Variants in LRRTM1 observed in about 807,000 individuals in gnomAD.
LRRTM1 encodes the protein leucine-rich repeat transmembrane neuronal protein 1.
Under a neutral mutation model 37.3 loss-of-function variants are expected in LRRTM1, and 8 were observed. The observed-to-expected ratio is 0.21, with a 90% CI of 0.13 to 0.39. LRRTM1 has a LOEUF of 0.39. LRRTM1 is among the 10% of genes least tolerant of loss of function. The pLI is 1.00. For missense variants in LRRTM1, 557 were observed against 691.0 expected (o/e 0.81, Z 2.17); for synonymous variants, 326 against 316.8 (o/e 1.03, Z -0.31).
chr2:80,298,375 T>C (rs1314067489), downstream of LRRTM1: 1 of 152,236 alleles, frequency 6.6e-6, no homozygotes. Context: ...AAAACAGATA[T>C]AATTTCTGGT....
downstream of LRRTM1, among the ~76,000 whole-genome samples, chr2:80,300,629 A>G (rs1190858562): frequency 5.3e-5 from 8 of 152,114 alleles, no homozygotes. Flanking sequence ...TCTCTCTCAA[A>G]AAAAAGGAAA....
chr2:80,290,112 G>A (rs567600209), intron 2 of LRRTM1, among the ~76,000 whole-genome samples: 11 of 152,246 alleles, frequency 7.2e-5, no homozygotes, highest in Middle Eastern at 3.4e-3. Context: ...TGTGAAGCAG[G>A]CTGAGCAAGG....
intron 2 of LRRTM1, among the ~76,000 whole-genome samples, chr2:80,292,645 G>T (rs955963013): frequency 2.0e-5 from 3 of 152,130 alleles, no homozygotes; most frequent in Non-Finnish European, 1.5e-5. Context: ...ATACTCTCAT[G>T]GTGAGTCTGA....
chr2:80,303,684 C>G lies in LRRTM1; in HGVS notation c.136G>C (p.Glu46Gln). Residue 46 changes from glutamate (E) to glutamine (Q), a missense_variant, in exon 2 of 2, where the codon GAG becomes CAG. Coordinates refer to ENST00000295057, the MANE Select transcript of LRRTM1 (RefSeq NM_178839.5). The surrounding 1 kb of genome is among the most constrained non-coding windows in gnomAD (Gnocchi z 7.7). ...PSGCPQLCRC[E>Q]GRLLYCEALN... ...GCCTCGCAGTACAGCAGCCGCCCCT[C>G]GCACCGGCACAGCTGCGGGCACCCG... 3 of 1,610,834 alleles carry G rather than the reference C, an allele frequency of 1.9e-6. No individual in the cohort carries two copies. Among genetic ancestry groups the G allele is most frequent in the East Asian group, 2.2e-5 (1 of 44,742 alleles).
chr2:80,296,943 G>A (rs1008316365), downstream of LRRTM1, among the ~76,000 whole-genome samples: 1 of 152,124 alleles, frequency 6.6e-6, no homozygotes, highest in African/African-American at 2.4e-5. Flanking sequence ...AATCACTAAG[G>A]AAGAAATGCA....
Position 80,302,145 on chromosome 2 carries a change from G to T in LRRTM1, c.*106C>A. ...AGATCCCCTTAAAGTTTCAGTCAAG[G>T]AGCATATCAGAGCACAGACAAGGAG... On this transcript the variant is annotated 3_prime_UTR_variant, in exon 2 of 2. Coordinates refer to ENST00000295057, the MANE Select transcript of LRRTM1 (RefSeq NM_178839.5). The surrounding 1 kb of genome is among the most constrained non-coding windows in gnomAD (Gnocchi z 6.4). The T allele has an allele frequency of 1.4e-6, 2 of 1,382,354 alleles. No individual in the cohort carries two copies. Among genetic ancestry groups the T allele is most frequent in the Non-Finnish European group, 1.9e-6 (2 of 1,028,576 alleles). The allele number at this position is 1,382,354 out of a possible 1,614,324, so 85.6% of individuals were successfully genotyped here. A position where few individuals can be genotyped will look rare whatever the true frequency, so the allele number is the denominator to read the frequency against.
rs187301448 is a variant in LRRTM1 at position 80,290,481 on chromosome 2, G to A, written c.*307-1286C>T. Among the ~76,000 whole-genome samples the A allele has an allele frequency of 7.4e-4, 113 of 152,008 alleles. 1 individual carries two copies. In the Middle Eastern group the frequency reaches 0.01, roughly 14 times the overall value. On this transcript the variant is annotated intron_variant and NMD_transcript_variant, in intron 2 of 2. Coordinates refer to the LRRTM1 transcript ENST00000417012. ...CCATGGTGAGGTTGGTGAGGCTCCCGTGATGCTTTTACTTTTTGCTGTTTT... is the reference window on the plus strand; with the variant it reads ...CCATGGTGAGGTTGGTGAGGCTCCCATGATGCTTTTACTTTTTGCTGTTTT...
At chr2:80,293,808 G>A (rs1171934356) in intron 2 of LRRTM1, among the ~76,000 whole-genome samples, 1 of 152,124 alleles carries the variant, frequency 6.6e-6, no homozygotes, top group Non-Finnish European at 1.5e-5. Context: ...GAATATTTTG[G>A]TGTTAGGGGT....
Position 80,303,448 on chromosome 2 carries a change from C to G in LRRTM1, c.372G>C (p.Gln124His), listed in dbSNP as rs1676568446. ...AGGTGGTGTTGGGCAGTTGGGTGATCTGGTTGGAACTCAGCGTGAGTTCCT... is the reference window on the plus strand; with the variant it reads ...AGGTGGTGTTGGGCAGTTGGGTGATGTGGTTGGAACTCAGCGTGAGTTCCT... ...RVKELTLSSN[Q>H]ITQLPNTTFR... Residue 124 changes from glutamine (Q) to histidine (H), a missense_variant, in exon 2 of 2, where the codon CAG becomes CAC. Gln to His is a conservative substitution (Grantham distance 24). Around this residue, in one of 5 missense-constraint regions of LRRTM1, gnomAD observed 38 missense variants for 72.9 expected, o/e 0.52. Coordinates refer to ENST00000295057, the MANE Select transcript of LRRTM1 (RefSeq NM_178839.5). The surrounding 1 kb of genome is among the most constrained non-coding windows in gnomAD (Gnocchi z 7.7). The G allele has an allele frequency of 6.2e-7, 1 of 1,614,234 alleles. No individual in the cohort carries two copies. Among genetic ancestry groups the G allele is most frequent in the Non-Finnish European group, 8.5e-7 (1 of 1,180,054 alleles).
chr2:80,299,902 C>G (rs1272825559), downstream of LRRTM1, among the ~76,000 whole-genome samples: 1 of 152,154 alleles, frequency 6.6e-6, no homozygotes, highest in African/African-American at 2.4e-5. Context: ...ATTCCTGTAG[C>G]CTTCCTATGA....
chr2:80,298,853 T>C (rs990308383), downstream of LRRTM1: 1 of 152,200 alleles, frequency 6.6e-6, no homozygotes, highest in African/African-American at 2.4e-5. Flanking sequence ...CAACTATTAA[T>C]ATCAAGGCTA....
chr2:80,304,188 C>T lies in LRRTM1; in HGVS notation c.-96G>A, dbSNP rs558556616. ...GAGTGACAACCTCCATTCAGCTGCTCCCTTTGTGTGCAGGCTAATTATATG... is the reference window on the plus strand; with the variant it reads ...GAGTGACAACCTCCATTCAGCTGCTTCCTTTGTGTGCAGGCTAATTATATG... On this transcript the variant is annotated 5_prime_UTR_variant, in exon 1 of 2. Coordinates refer to ENST00000295057, the MANE Select transcript of LRRTM1 (RefSeq NM_178839.5). The T allele has an allele frequency of 1.6e-5, 3 of 184,032 alleles. No individual in the cohort carries two copies. Among genetic ancestry groups the T allele is most frequent in the East Asian group, 1.4e-4 (1 of 7,374 alleles). The allele number at this position is 184,032 out of a possible 1,614,324, so 11.4% of individuals were successfully genotyped here.
intron 2 of LRRTM1, among the ~76,000 whole-genome samples, chr2:80,295,124 C>T (rs892331940): frequency 1.3e-5 from 2 of 151,956 alleles, no homozygotes; most frequent in African/African-American, 4.8e-5. Context: ...TCTCTCTTTC[C>T]CTCCCATCCC....
chr2:80,291,260 T>C (rs1025571906), intron 2 of LRRTM1, among the ~76,000 whole-genome samples: 1 of 152,222 alleles, frequency 6.6e-6, no homozygotes, highest in Non-Finnish European at 1.5e-5. Flanking sequence ...GCATAGAAAG[T>C]TACTCTTACT....
Position 80,302,192 on chromosome 2 carries a change from G to C in LRRTM1, c.*59C>G. On this transcript the variant is annotated 3_prime_UTR_variant, in exon 2 of 2. Transcript: ENST00000295057. This position sits in a 1 kb window ranked among gnomAD's most constrained non-coding sequence, Gnocchi z 6.4. ...GGAGACCCCAGCCTGGTGCCCGCCG[G>C]CCCGTCCCGGCTGCCCAGGCGTATT... 6.4e-7 allele frequency: 1 copy of C among 1,564,248 alleles called. No homozygotes were observed. The highest frequency in any genetic ancestry group is 8.7e-7 in the Non-Finnish European group (1 of 1,154,740).
Position 80,302,614 on chromosome 2 carries a change from G to C in LRRTM1, c.1206C>G (p.His402Gln). 1 of 1,605,822 alleles carries C rather than the reference G, an allele frequency of 6.2e-7. No homozygotes were observed. The highest frequency in any genetic ancestry group is 8.5e-7 in the Non-Finnish European group (1 of 1,178,508). Residue 402 changes from histidine to glutamine, a missense_variant, in exon 2 of 2, where the codon CAC (histidine) becomes CAG (glutamine). His to Gln is a conservative substitution (Grantham distance 24, BLOSUM62 0). This residue lies in a region of LRRTM1 where 89 missense variants were observed against 80.7 expected (regional missense o/e 1.10). Coordinates refer to ENST00000295057, the MANE Select transcript of LRRTM1 (RefSeq NM_178839.5). The surrounding 1 kb of genome is among the most constrained non-coding windows in gnomAD (Gnocchi z 6.4). Reference sequence around the variant, plus strand: ...CGGTGGCAGGCTCGAATGTGCCGTCGTGCTGCCCCTCCCCGCCGTCCGCGA... The same window carrying C: ...CGGTGGCAGGCTCGAATGTGCCGTCCTGCTGCCCCTCCCCGCCGTCCGCGA... ...TTLADGGEGQ[H>Q]DGTFEPATVA...
downstream of LRRTM1, among the ~76,000 whole-genome samples, chr2:80,301,486 C>T (rs770447504): frequency 1.3e-5 from 2 of 152,180 alleles, no homozygotes; most frequent in African/African-American, 4.8e-5. Flanking sequence ...AAAAATGTTT[C>T]GTGTTCCTAG....
At chr2:80,293,773 G>A (rs1675477027) in intron 2 of LRRTM1, among the ~76,000 whole-genome samples, 1 of 152,150 alleles carries the variant, frequency 6.6e-6, no homozygotes, top group Non-Finnish European at 1.5e-5. Flanking sequence ...GCAAATCTGC[G>A]GATGCAGTGG....
chr2:80,292,399 T>G lies in LRRTM1; in HGVS notation c.*307-3204A>C, dbSNP rs550700850. Among the ~76,000 whole-genome samples, 4 of 152,154 alleles carry G rather than the reference T, an allele frequency of 2.6e-5. No homozygotes were observed. In the South Asian group the frequency reaches 8.3e-4, roughly 32 times the overall value. ...CCTTGACACATCCTACCATGGTAAG[T>G]GACCTTGGGCAAGTTGTTGACCCAC... On this transcript the variant is annotated intron_variant and NMD_transcript_variant, in intron 2 of 2. Coordinates refer to the LRRTM1 transcript ENST00000417012.
Sources: allele counts gnomAD v4.1 joint callset (sites outside exome capture counted in the v4.1 genomes callset), GRCh38; gene constraint gnomAD v4.1.1; regional missense constraint gnomAD v4.1.1; non-coding constraint Gnocchi (gnomAD v3.1); transcripts MANE v1.5; gene names NCBI Gene and HGNC (gene_info 2026-07-23, HGNC 2026-07-21).